The following CTNNA3 variants were observed in gnomAD, a reference collection of about 807,000 sequenced individuals.
CTNNA3 encodes the protein catenin alpha-3.
In CTNNA3, 76 loss-of-function variants were observed where a neutral mutation model predicts 95.7. That is an observed-to-expected ratio of 0.79 (90% confidence interval 0.66 to 0.96). The LOEUF is 0.96. Among genes scored for constraint, CTNNA3 ranks in the 40% least tolerant of loss-of-function variants. The pLI, the probability that CTNNA3 is intolerant of heterozygous loss-of-function variation, is 0.00. For missense variants in CTNNA3, 1,191 were observed against 1,089.8 expected (o/e 1.09, Z -1.31); for synonymous variants, 431 against 374.4 (o/e 1.15, Z -1.74).
intron 3 of CTNNA3, among the ~76,000 whole-genome samples, chr10:67,601,222 C>T (rs1843073472): frequency 6.6e-6 from 1 of 152,024 alleles, no homozygotes; most frequent in Non-Finnish European, 1.5e-5. Flanking sequence ...AACAGTTGTC[C>T]CCAACCATTT....
At chr10:66,708,629 A>G (rs547082542) in intron 9 of CTNNA3, among the ~76,000 whole-genome samples, 2 of 152,078 alleles carry the variant, frequency 1.3e-5, no homozygotes, top group Non-Finnish European at 2.9e-5. Context: ...TCAGCCCATA[A>G]CAAGAGGCCA....
chr10:67,163,317 G>C (rs2132093999), intron 7 of CTNNA3, among the ~76,000 whole-genome samples: 1 of 152,020 alleles, frequency 6.6e-6, no homozygotes, highest in East Asian at 1.9e-4. Flanking sequence ...TTTGATATTT[G>C]AAAATCAATG....
At chr10:66,424,011 T>A (rs2093218744) in intron 11 of CTNNA3, among the ~76,000 whole-genome samples, 1 of 152,176 alleles carries the variant, frequency 6.6e-6, no homozygotes, top group South Asian at 2.1e-4. Flanking sequence ...TCTACTTTAC[T>A]TGTCTATTTT....
At chr10:66,814,123 A>C (rs568800607) in intron 7 of CTNNA3, among the ~76,000 whole-genome samples, 1 of 152,236 alleles carries the variant, frequency 6.6e-6, no homozygotes, top group South Asian at 2.1e-4. Context: ...CCATTGAGGC[A>C]ACTGGATATA....
chr10:67,329,711 A>G (rs1447227485), intron 5 of CTNNA3, among the ~76,000 whole-genome samples: 2 of 152,236 alleles, frequency 1.3e-5, no homozygotes, highest in Non-Finnish European at 2.9e-5. Flanking sequence ...ATGCACAAAT[A>G]GTGAAGCTAC....
chr10:66,732,720 A>C (rs1848999852), intron 9 of CTNNA3, among the ~76,000 whole-genome samples: 1 of 152,088 alleles, frequency 6.6e-6, no homozygotes, highest in Admixed American at 6.6e-5. Context: ...ACCCATGGGG[A>C]TTATGGAAAA....
intron 15 of CTNNA3, among the ~76,000 whole-genome samples, chr10:66,047,293 G>C (rs2079849054): frequency 1.3e-5 from 2 of 152,082 alleles, no homozygotes; most frequent in African/African-American, 4.8e-5. Flanking sequence ...GATTAAGTAG[G>C]CTTCATCCCT....
intron 10 of CTNNA3, among the ~76,000 whole-genome samples, chr10:66,525,151 G>A (rs1841208623): frequency 6.6e-6 from 1 of 151,858 alleles, no homozygotes; most frequent in African/African-American, 2.4e-5. Context: ...GAGGAGAATG[G>A]GGAAAATATA....
chr10:66,585,903 A>C (rs981538275), intron 10 of CTNNA3, among the ~76,000 whole-genome samples: 2 of 152,020 alleles, frequency 1.3e-5, no homozygotes, highest in African/African-American at 4.8e-5. Context: ...TCTTCTAATT[A>C]TTTTAAAATT....
At chr10:66,998,712 G>T (rs1851509223) in intron 7 of CTNNA3, among the ~76,000 whole-genome samples, 1 of 152,126 alleles carries the variant, frequency 6.6e-6, no homozygotes. Context: ...AATATACAAA[G>T]TAAAATTGAG....
chr10:66,469,035 A>G (rs1016459876), intron 11 of CTNNA3, among the ~76,000 whole-genome samples: 4 of 151,906 alleles, frequency 2.6e-5, no homozygotes, highest in African/African-American at 9.7e-5. Context: ...AGTCAATAAA[A>G]ACCTGGATCC....
intron 7 of CTNNA3, among the ~76,000 whole-genome samples, chr10:66,849,632 C>G (rs954450541): frequency 6.6e-6 from 1 of 152,074 alleles, no homozygotes; most frequent in Non-Finnish European, 1.5e-5. Context: ...GAGAGACATA[C>G]AGAAACAGAG....
intron 7 of CTNNA3, among the ~76,000 whole-genome samples, chr10:66,798,879 T>G (rs190122621): frequency 9.2e-4 from 139 of 151,760 alleles, no homozygotes; most frequent in African/African-American, 3.2e-3. Flanking sequence ...CTATAAACCT[T>G]ATGCATCAAT....
chr10:66,741,204 T>C (rs902875928), intron 9 of CTNNA3, among the ~76,000 whole-genome samples: 1 of 152,190 alleles, frequency 6.6e-6, no homozygotes, highest in African/African-American at 2.4e-5. Context: ...CTTCTGGCAC[T>C]TGAACTGAAA....
intron 9 of CTNNA3, among the ~76,000 whole-genome samples, chr10:66,628,457 T>A (rs1845016747): frequency 6.6e-6 from 1 of 152,078 alleles, no homozygotes; most frequent in Non-Finnish European, 1.5e-5. Flanking sequence ...CTGCCCCGAG[T>A]GGATTTCAGT....
At chr10:66,911,551 C>T (rs1476509917) in intron 7 of CTNNA3, among the ~76,000 whole-genome samples, 1 of 152,108 alleles carries the variant, frequency 6.6e-6, no homozygotes, top group Non-Finnish European at 1.5e-5. Context: ...ATTGATTTGA[C>T]TTCAAAGAAG....
At chr10:66,066,153 G>A (rs961574094) in intron 15 of CTNNA3, among the ~76,000 whole-genome samples, 4 of 151,942 alleles carry the variant, frequency 2.6e-5, no homozygotes, top group Non-Finnish European at 4.4e-5. Flanking sequence ...GTGAGCCACC[G>A]CACCTAGCCA....
chr10:66,605,568 G>A (rs1344489128), intron 10 of CTNNA3, among the ~76,000 whole-genome samples: 1 of 152,098 alleles, frequency 6.6e-6, no homozygotes, highest in Non-Finnish European at 1.5e-5. Context: ...GAAAGGCCAG[G>A]TAACCTACAA....
Position 66,578,648 on chromosome 10 carries a change from T to C in CTNNA3, c.1374+43044A>G, listed in dbSNP as rs140345350. The stretch of plus-strand genomic sequence containing the variant: ...TGATTTGCCTATGTTAAACCAACAT[T>C]GCATCCCAGGAATAAACCCTACTTG... On this transcript the variant is annotated intron_variant, in intron 10 of 17. Coordinates refer to ENST00000433211, the MANE Select transcript of CTNNA3 (RefSeq NM_013266.4). 3.3e-5 allele frequency among the ~76,000 whole-genome samples: 5 copies of C among 152,200 alleles called. No individual in the cohort carries two copies. In the East Asian group the frequency reaches 9.7e-4, roughly 29 times the overall value.
Sources: allele counts gnomAD v4.1 joint callset (sites outside exome capture counted in the v4.1 genomes callset), GRCh38; gene constraint gnomAD v4.1.1; transcripts MANE v1.5; gene names NCBI Gene and HGNC (gene_info 2026-07-23, HGNC 2026-07-21).